UGT1A10: variants seen among roughly 807,000 people sequenced by gnomAD.
The protein encoded by UGT1A10 is UDP-glucuronosyltransferase 1A10.
UGT1A10 carries 49 observed loss-of-function variants against 45.8 expected under a neutral mutation model. That is an observed-to-expected ratio of 1.07 (90% confidence interval 0.85 to 1.36). The LOEUF (loss-of-function observed/expected upper bound fraction) is 1.36. Ranked by LOEUF, UGT1A10 falls within the 40% of genes most tolerant of loss-of-function variation. The pLI, the probability that UGT1A10 is intolerant of heterozygous loss-of-function variation, is 0.00. For missense variants in UGT1A10, 745 were observed against 668.6 expected, an observed-to-expected ratio of 1.11 and a Z score of -1.26; for synonymous variants, 284 against 249.7, an observed-to-expected ratio of 1.14 and a Z score of -1.29.
At chr2:233,669,070 G>T (rs952655787) in intron 1 of UGT1A10, among the ~76,000 whole-genome samples, 1 of 152,172 alleles carries the variant, frequency 6.6e-6, no homozygotes, top group Non-Finnish European at 1.5e-5. Context: ...GCTTTCTTGC[G>T]AATGGATACC....
chr2:233,648,799 C>A (rs2125473599), intron 1 of UGT1A10: 3 of 930,526 alleles, frequency 3.2e-6, no homozygotes, highest in South Asian at 1.3e-5. Context: ...AGTAAGGAAC[C>A]ACATCTTCTA....
In UGT1A10 at chr2:233,734,493, T is replaced by C. The variant is rs572149400; in HGVS notation, c.856-32541T>C. On this transcript the variant is annotated intron_variant, in intron 1 of 4. Coordinates refer to ENST00000344644, the MANE Select transcript of UGT1A10 (RefSeq NM_019075.4). ...TGGATTCATTGATTTTTTTGAAGGT[T>C]TTTTTGTGTCTCTATCTCTTTCAGT... Among the ~76,000 whole-genome samples the C allele has an allele frequency of 7.2e-5, 11 of 152,330 alleles. 1 individual carries two copies. In the South Asian group the frequency reaches 1.2e-3, roughly 17 times the overall value.
At chr2:233,737,511 CCT>C (rs2078889208) in intron 1 of UGT1A10, among the ~76,000 whole-genome samples, 2 of 152,340 alleles carry the variant, frequency 1.3e-5, no homozygotes, top group South Asian at 4.1e-4. Flanking sequence ...TCTTGCACTT[CCT>C]AGGTGAGGCG....
At chr2:233,768,582 C>CTTTTTTTTTTTTT (rs139595073) in intron 4 of UGT1A10, 143 bp downstream of exon 4, 1 of 867,188 alleles carries the variant, frequency 1.2e-6, no homozygotes, top group Non-Finnish European at 1.4e-6. Context: ...TTTATTTCTT[C>CTTTTTTTTTTTTT]TTTTTTTTTT....
chr2:233,743,289 C>T (rs1692256126), intron 1 of UGT1A10: 3 of 525,668 alleles, frequency 5.7e-6, no homozygotes, highest in Non-Finnish European at 9.9e-6. Flanking sequence ...CTTGGCCATT[C>T]TCAATGATTC....
At chr2:233,640,758 G>T (rs1390753063) in intron 1 of UGT1A10, among the ~76,000 whole-genome samples, 1 of 152,124 alleles carries the variant, frequency 6.6e-6, no homozygotes, top group African/African-American at 2.4e-5. Context: ...ACAATCTTAG[G>T]TAGGGCCAAC....
At position 233,636,699 on chromosome 2, in the gene UGT1A10, G is replaced by A. The variant is rs56935833; in HGVS notation, c.177G>A (p.Met59Ile). Reference protein sequence around the residue: ...ILRGHEVVVVMPEVSWQLERS... With the variant: ...ILRGHEVVVVIPEVSWQLERS... ...GGGGGCATGAGGTGGTTGTAGTCAT[G>A]CCAGAGGTGAGTTGGCAACTGGAAA... The change falls in exon 1 of 5, where the codon ATG becomes ATA. Residue 59 changes from methionine (M) to isoleucine (I), a missense_variant. Coordinates refer to ENST00000344644, the MANE Select transcript of UGT1A10 (RefSeq NM_019075.4). 1.1e-4 allele frequency: 174 copies of A among 1,614,132 alleles called. 3 individuals carry two copies. The East Asian group carries it at 3.9e-3, about 36-fold the overall frequency.
intron 1 of UGT1A10, chr2:233,717,680 G>T: frequency 2.3e-6 from 1 of 437,998 alleles, no homozygotes; most frequent in Admixed American, 2.4e-5. Context: ...GCGAGCACAT[G>T]TAGGAGTGAC....
chr2:233,707,545 T>A (rs1006083249), intron 1 of UGT1A10, among the ~76,000 whole-genome samples: 1 of 152,170 alleles, frequency 6.6e-6, no homozygotes, highest in African/African-American at 2.4e-5. Flanking sequence ...TGCCTTTTTT[T>A]TTTTTTTGGT....
At chr2:233,648,562 G>C (rs563356418) in intron 1 of UGT1A10, 1 of 189,680 alleles carries the variant, frequency 5.3e-6, no homozygotes, top group African/African-American at 2.4e-5. Flanking sequence ...CCGGGTTCAC[G>C]CCATTCCTCT....
chr2:233,641,886 A>G (rs1239062229), intron 1 of UGT1A10, among the ~76,000 whole-genome samples: 2 of 151,614 alleles, frequency 1.3e-5, no homozygotes, highest in Non-Finnish European at 2.9e-5. Flanking sequence ...ATGTATTGGA[A>G]CTCCATTGTT....
At chr2:233,748,157 C>A in intron 1 of UGT1A10, 2 of 1,600,820 alleles carry the variant, frequency 1.2e-6, no homozygotes, top group Non-Finnish European at 1.7e-6. Context: ...ACAATTGCTT[C>A]CATATCTACT....
intron 1 of UGT1A10, among the ~76,000 whole-genome samples, chr2:233,656,379 G>A (rs1490147843): frequency 1.3e-5 from 2 of 152,198 alleles, no homozygotes; most frequent in African/African-American, 2.4e-5. Context: ...TCAGCCTCTT[G>A]TCCAATGAAA....
At chr2:233,755,154 C>CT in intron 1 of UGT1A10, 2 of 1,296,006 alleles carry the variant, frequency 1.5e-6, no homozygotes, top group Non-Finnish European at 2.1e-6. Flanking sequence ...CGCTTCCTCC[C>CT]TGTCCTCGGG....
Position 233,769,856 on chromosome 2 carries a change from TCAA to T in UGT1A10, c.1295+1418_1295+1420del. Reference sequence around the variant, plus strand: ...CTGGGCAACAGAGTGAGACCCTGTCTCAAAAAAAAAAAAAAAAATGAAAAGTCC... The same window carrying T: ...CTGGGCAACAGAGTGAGACCCTGTCTAAAAAAAAAAAAAAATGAAAAGTCC... On this transcript the variant is annotated intron_variant, in intron 4 of 4. Coordinates refer to ENST00000344644, the MANE Select transcript of UGT1A10 (RefSeq NM_019075.4). The surrounding 1 kb of genome is among the most constrained non-coding windows in gnomAD (Gnocchi z 4.4). 3.1e-6 allele frequency: 1 copy of T among 322,450 alleles called. No homozygotes were observed. Among genetic ancestry groups the T allele is most frequent in the Non-Finnish European group, 5.0e-6 (1 of 199,356 alleles). The allele number at this position is 322,450 out of a possible 1,614,324, so 20.0% of individuals were successfully genotyped here.
chr2:233,723,031 G>A (rs925471070), intron 1 of UGT1A10, among the ~76,000 whole-genome samples: 9 of 143,556 alleles, frequency 6.3e-5, no homozygotes, highest in Admixed American at 1.4e-4. Context: ...AAGGGCCAGC[G>A]GGAGAGGCAG....
chr2:233,725,046 G>T (rs1307782959), intron 1 of UGT1A10, among the ~76,000 whole-genome samples: 2 of 147,958 alleles, frequency 1.4e-5, no homozygotes, highest in Non-Finnish European at 3.0e-5. Context: ...AACCAGTCAG[G>T]CGTGGCGGCG....
intron 1 of UGT1A10, among the ~76,000 whole-genome samples, chr2:233,752,117 AGAT>A (rs1222756938): frequency 6.6e-6 from 1 of 152,242 alleles, no homozygotes; most frequent in African/African-American, 2.4e-5. Flanking sequence ...GAGGAGAAGA[AGAT>A]GATGGACAGA....
chr2:233,772,356 A>C lies in UGT1A10; in HGVS notation c.1390A>C (p.Arg464=), dbSNP rs1468738748. 6.2e-7 allele frequency: 1 copy of C among 1,614,222 alleles called. No homozygotes were observed. Among genetic ancestry groups the C allele is most frequent in the Non-Finnish European group, 8.5e-7 (1 of 1,180,034 alleles). The change falls in exon 5 of 5, where the codon AGG becomes CGG. Residue 464 remains arginine, a synonymous_variant. Transcript: ENST00000344644. ...LAVFWVEFVM[R]HKGAPHLRPA... is the part of the protein sequence containing the mutation. ...CGTGTTCTGGGTGGAGTTTGTGATGAGGCACAAGGGCGCGCCACACCTGCG... is the reference window on the plus strand; with the variant it reads ...CGTGTTCTGGGTGGAGTTTGTGATGCGGCACAAGGGCGCGCCACACCTGCG...
Sources: allele counts gnomAD v4.1 joint callset (sites outside exome capture counted in the v4.1 genomes callset), GRCh38; gene constraint gnomAD v4.1.1; non-coding constraint Gnocchi (gnomAD v3.1); transcripts MANE v1.5; gene names NCBI Gene and HGNC (gene_info 2026-07-23, HGNC 2026-07-21).